MVD: variants seen among roughly 807,000 people sequenced by gnomAD.
The protein encoded by MVD is mevalonate diphosphate decarboxylase.
A neutral mutation model predicts 42.4 loss-of-function variants in MVD; 52 were observed. The ratio of observed to expected loss-of-function variants is 1.23; its 90% CI spans 0.98 to 1.55. The LOEUF is 1.55. Among genes scored for constraint, MVD ranks in the 40% most tolerant of loss-of-function variants. The pLI, the probability that MVD is intolerant of heterozygous loss-of-function variation, is 0.00. For missense variants in MVD, 663 were observed against 572.1 expected, an observed-to-expected ratio of 1.16 and a Z score of -1.62; for synonymous variants, 287 against 243.2, an observed-to-expected ratio of 1.18 and a Z score of -1.68.
chr16:88,655,971 T>G, intron 5 of MVD, 134 bp downstream of exon 5: 1 of 1,292,888 alleles, frequency 7.7e-7, no homozygotes, highest in Admixed American at 2.4e-5. Flanking sequence ...ACCACGCTTC[T>G]GTTCCTTCAG....
Position 88,653,389 on chromosome 16 carries a change from C to G in MVD, c.1033G>C (p.Val345Leu). Residue 345 changes from valine (V) to leucine (L), a missense_variant, in exon 9 of 10, where the codon GTG (valine) becomes CTG (leucine). Physicochemically the swap from Val to Leu is conservative, Grantham distance 32. Coordinates refer to ENST00000301012, the MANE Select transcript of MVD (RefSeq NM_002461.3). ...NGDTFLKGLQ[V>L]RPAPLSAELQ... is the part of the protein sequence containing the mutation. ...TCAGCTGAGAGAGGGGCCGGCCTCACCTGCAGCCCCTTCAGAAACCTGGAA... is the reference window on the plus strand; with the variant it reads ...TCAGCTGAGAGAGGGGCCGGCCTCAGCTGCAGCCCCTTCAGAAACCTGGAA... The G allele has an allele frequency of 6.2e-7, 1 of 1,603,688 alleles. No homozygotes were observed. The highest frequency in any genetic ancestry group is 8.5e-7 in the Non-Finnish European group (1 of 1,177,324).
chr16:88,654,612 C>T, intron 8 of MVD, 80 bp downstream of exon 8: 1 of 1,415,946 alleles, frequency 7.1e-7, no homozygotes, highest in Non-Finnish European at 9.5e-7. Context: ...GCGCCACAGC[C>T]TTCAGGTGCC....
chr16:88,655,593 G>A, intron 6 of MVD, 63 bp downstream of exon 6: 1 of 1,535,340 alleles, frequency 6.5e-7, no homozygotes, highest in South Asian at 1.2e-5. Flanking sequence ...GACAGAGGCT[G>A]AGGGCAGAGC....
chr16:88,652,460 A>T lies in MVD; in HGVS notation c.*65T>A. 6.6e-7 allele frequency: 1 copy of T among 1,522,394 alleles called. No homozygotes were observed. The highest frequency in any genetic ancestry group is 8.9e-7 in the Non-Finnish European group (1 of 1,122,542). The allele number at this position is 1,522,394 out of a possible 1,614,324, so 94.3% of individuals were successfully genotyped here. A position where few individuals can be genotyped will look rare whatever the true frequency, so the allele number is the denominator to read the frequency against. On this transcript the variant is annotated 3_prime_UTR_variant, in exon 10 of 10. Coordinates refer to ENST00000301012, the MANE Select transcript of MVD (RefSeq NM_002461.3). ...CCCAGGAGTCCGGCCAGCCCACCAC[A>T]TCCGCTCCCTAGCTCCGGCGAGGCC...
intron 1 of MVD, 77 bp downstream of exon 1, chr16:88,662,934 C>T: frequency 6.5e-7 from 1 of 1,545,636 alleles, no homozygotes; most frequent in Non-Finnish European, 8.7e-7. Flanking sequence ...GAGCGCGCCG[C>T]CGAATCAGCG....
At position 88,656,287 on chromosome 16, in the gene MVD, C is replaced by T; in HGVS notation, c.421G>A (p.Val141Ile). 4 of 1,599,732 alleles carry T rather than the reference C, an allele frequency of 2.5e-6. No homozygotes were observed. Among genetic ancestry groups the T allele is most frequent in the Non-Finnish European group, 3.4e-6 (4 of 1,179,936 alleles). The change falls in exon 5 of 10, where the codon GTC becomes ATC. Residue 141 changes from valine (V) to isoleucine (I), a missense_variant. By Grantham distance (29) the Val-to-Ile change is conservative. Coordinates refer to ENST00000301012, the MANE Select transcript of MVD (RefSeq NM_002461.3). ...YACLAYTLAR[V>I]YGVESDLSEV... ...GAGAGGTCACTCTCCACGCCGTAGA[C>T]ACGGGCCAGGGTGTAGGCTGCAGGC...
chr16:88,652,432 T>C lies in MVD; in HGVS notation c.*93A>G, dbSNP rs1323384996. The C allele has an allele frequency of 1.4e-6, 2 of 1,386,054 alleles. No individual in the cohort carries two copies. The highest frequency in any genetic ancestry group is 2.5e-5 in the East Asian group (1 of 40,146). The allele number at this position is 1,386,054 out of a possible 1,614,324, so 85.9% of individuals were successfully genotyped here. A position where few individuals can be genotyped will look rare whatever the true frequency, so the allele number is the denominator to read the frequency against. ...GCCCGGGGTCAAGCCACCACCCACATGTCCCAGGAGTCCGGCCAGCCCACC... is the reference window on the plus strand; with the variant it reads ...GCCCGGGGTCAAGCCACCACCCACACGTCCCAGGAGTCCGGCCAGCCCACC... On this transcript the variant is annotated 3_prime_UTR_variant, in exon 10 of 10. Coordinates refer to ENST00000301012, the MANE Select transcript of MVD (RefSeq NM_002461.3).
intron 3 of MVD, 74 bp downstream of exon 3, chr16:88,657,841 G>C: frequency 1.3e-6 from 2 of 1,495,410 alleles, no homozygotes; most frequent in South Asian, 2.3e-5. Flanking sequence ...GGGGCACAGA[G>C]GCAGAAGCAC....
At position 88,652,376 on chromosome 16, in the gene MVD, C is replaced by T. The variant is rs1159481926; in HGVS notation, c.*149G>A. 2 of 853,592 alleles carry T rather than the reference C, an allele frequency of 2.3e-6. No individual in the cohort carries two copies. Among genetic ancestry groups the T allele is most frequent in the South Asian group, 2.9e-5 (2 of 67,938 alleles). 52.9% of individuals were successfully genotyped at this position (853,592 alleles called of 1,614,324 possible). On this transcript the variant is annotated 3_prime_UTR_variant, in exon 10 of 10. Coordinates refer to ENST00000301012, the MANE Select transcript of MVD (RefSeq NM_002461.3). ...TGACACCTGGGCGGCCGCAGGACTC[C>T]CTGCACTGCCCCACAGCAAGCTGCC...
At position 88,657,980 on chromosome 16, in the gene MVD, C is replaced by T. The variant is rs746569295; in HGVS notation, c.191G>A (p.Arg64Gln). ...AVISKDFTED[R>Q]IWLNGREEDV... is the part of the protein sequence containing the mutation. ...CTCCTCCCGGCCATTCAGCCAAATC[C>T]GGTCCTCGGTGAAGTCCTTGCTGAT... is the stretch of plus-strand genomic sequence containing the variant. Residue 64 changes from arginine to glutamine, a missense_variant, in exon 3 of 10, where the codon CGG becomes CAG. By Grantham distance (43) the Arg-to-Gln change is conservative. Coordinates refer to ENST00000301012, the MANE Select transcript of MVD (RefSeq NM_002461.3). The T allele has an allele frequency of 1.4e-5, 23 of 1,613,924 alleles. No homozygotes were observed. The highest frequency in any genetic ancestry group is 3.3e-5 in the Admixed American group (2 of 60,014).
At chr16:88,655,577 G>T in intron 6 of MVD, 79 bp downstream of exon 6, 1 of 1,525,744 alleles carries the variant, frequency 6.6e-7, no homozygotes. Context: ...AGAACACTCG[G>T]GCCCAGACAG....
chr16:88,656,738 C>A (rs116773156), intron 4 of MVD: 448 of 254,426 alleles, frequency 1.8e-3, no homozygotes, highest in African/African-American at 8.5e-3. Flanking sequence ...GCCACCTTCT[C>A]CCCTCCTCCC....
At chr16:88,658,554 A>T in intron 2 of MVD, 96 bp downstream of exon 2, 9 of 1,219,440 alleles carry the variant, frequency 7.4e-6, no homozygotes, top group Non-Finnish European at 9.5e-6. Context: ...AAGTGCTGGG[A>T]TTGCAGATGT....
At chr16:88,652,771 G>A (rs904760867) in intron 9 of MVD, among the ~76,000 whole-genome samples, 166 bp from the exon 10 acceptor site, 1 of 152,208 alleles carries the variant, frequency 6.6e-6, no homozygotes, top group Non-Finnish European at 1.5e-5. Flanking sequence ...CGCAGCTCCT[G>A]CAGGCACAGC....
chr16:88,658,139 G>C, intron 2 of MVD, 110 bp from the exon 3 acceptor site: 1 of 1,094,398 alleles, frequency 9.1e-7, no homozygotes, highest in Non-Finnish European at 1.4e-6. Context: ...AGCAAGGTCA[G>C]CCCTGCTGAG....
chr16:88,658,065 C>G (rs769240449), intron 2 of MVD, 36 bp from the exon 3 acceptor site: 1 of 1,592,606 alleles, frequency 6.3e-7, no homozygotes, highest in Non-Finnish European at 8.6e-7. Flanking sequence ...CAGAGGCCAG[C>G]ATTGAGGACC....
intron 9 of MVD, among the ~76,000 whole-genome samples, chr16:88,652,976 T>TG (rs1193244609): frequency 2.0e-5 from 3 of 151,906 alleles, no homozygotes; most frequent in Admixed American, 6.5e-5. Flanking sequence ...CTGGGGTGGT[T>TG]GGGGTGGGGG....
chr16:88,657,088 C>T, intron 4 of MVD: 1 of 452,678 alleles, frequency 2.2e-6, no homozygotes, highest in Non-Finnish European at 4.2e-6. Context: ...TAGAGGGGCT[C>T]CACATACAGC....
intron 1 of MVD, chr16:88,662,704 A>C (rs1224474852): frequency 7.2e-7 from 1 of 1,391,470 alleles, no homozygotes; most frequent in Non-Finnish European, 9.4e-7. Context: ...ACCACGGCGG[A>C]TTCTTACGAT....
Sources: allele counts gnomAD v4.1 joint callset (sites outside exome capture counted in the v4.1 genomes callset), GRCh38; gene constraint gnomAD v4.1.1; transcripts MANE v1.5; gene names NCBI Gene and HGNC (gene_info 2026-07-23, HGNC 2026-07-21).